LARP1: variants seen among roughly 807,000 people sequenced by gnomAD.
LARP1 encodes the protein la-related protein 1.
Under a neutral mutation model 122.7 loss-of-function variants are expected in LARP1, and 36 were observed. The observed-to-expected ratio is 0.29, with a 90% CI of 0.22 to 0.39. LARP1 has a LOEUF of 0.39. LARP1 is among the 10% of genes least tolerant of loss of function. The pLI is 1.00. For synonymous variants in LARP1, 539 were observed against 528.7 expected (o/e 1.02, Z -0.27); for missense variants, 1,040 against 1,403.6 (o/e 0.74, Z 4.14).
chr5:154,720,815 A>G (rs780045579), intron 1 of LARP1, among the ~76,000 whole-genome samples: 1 of 152,190 alleles, frequency 6.6e-6, no homozygotes, highest in Non-Finnish European at 1.5e-5. Flanking sequence ...TGGGAGGTTC[A>G]TGCAGGAGTC....
intron 18 of LARP1, 135 bp from the exon 19 acceptor site, chr5:154,813,752 T>C (rs985462901): frequency 1.1e-4 from 86 of 748,516 alleles, no homozygotes; most frequent in South Asian, 6.9e-5. Context: ...TAATAACTTA[T>C]AATTTATTTT....
At chr5:154,792,499 C>A in intron 3 of LARP1, 123 bp from the exon 4 acceptor site, 1 of 841,542 alleles carries the variant, frequency 1.2e-6, no homozygotes, top group Non-Finnish European at 1.9e-6. Context: ...TAGAATACAT[C>A]CCATCCAGCC....
At chr5:154,756,485 C>T (rs2113550359) in intron 1 of LARP1, 1 of 985,820 alleles carries the variant, frequency 1.0e-6, no homozygotes, top group Non-Finnish European at 1.2e-6. Context: ...AGAGGGTGGG[C>T]GCTGGTTTCA....
chr5:154,719,411 C>T (rs924463508), intron 1 of LARP1, among the ~76,000 whole-genome samples: 8 of 152,146 alleles, frequency 5.3e-5, no homozygotes, highest in African/African-American at 1.9e-4. Flanking sequence ...ATCTGCGAAA[C>T]CTATGGGCTC....
intron 18 of LARP1, among the ~76,000 whole-genome samples, chr5:154,812,052 C>T (rs1031601744): frequency 5.9e-5 from 9 of 152,156 alleles, no homozygotes; most frequent in Non-Finnish European, 1.2e-4. Flanking sequence ...AGCGCCTCAA[C>T]GGTGACATCC....
At chr5:154,701,683 G>A (rs1436087454) in intron 1 of LARP1, among the ~76,000 whole-genome samples, 2 of 149,978 alleles carry the variant, frequency 1.3e-5, no homozygotes, top group African/African-American at 4.9e-5. Flanking sequence ...GTGCAGTGGT[G>A]TGATCTCAGC....
chr5:154,790,442 C>T (rs1582419334), intron 2 of LARP1, 56 bp downstream of exon 2: 1 of 1,533,692 alleles, frequency 6.5e-7, no homozygotes, highest in East Asian at 2.3e-5. Flanking sequence ...TGGCCTCTTT[C>T]CTGTTTTAGT....
At chr5:154,729,417 C>A in intron 1 of LARP1, 1 of 356,964 alleles carries the variant, frequency 2.8e-6, no homozygotes, top group Non-Finnish European at 5.4e-6. Context: ...GAAGAGTCTA[C>A]AGTGTTACCT....
At chr5:154,737,668 C>T (rs1228807145) in intron 1 of LARP1, among the ~76,000 whole-genome samples, 4 of 152,006 alleles carry the variant, frequency 2.6e-5, no homozygotes, top group Non-Finnish European at 5.9e-5. Context: ...GTCTCGAACT[C>T]CTAATTTGAA....
chr5:154,691,801 CT>C (rs55818234), intron 1 of LARP1, among the ~76,000 whole-genome samples: 27,469 of 56,898 alleles, frequency 0.48, 4,893 homozygotes, highest in African/African-American at 0.6. Context: ...CCTTTTCGTT[CT>C]TTTTTTTTTT....
At chr5:154,749,647 G>A (rs2113504554) in intron 1 of LARP1, among the ~76,000 whole-genome samples, 1 of 152,262 alleles carries the variant, frequency 6.6e-6, no homozygotes, top group East Asian at 1.9e-4. Flanking sequence ...TCAGGGTCTT[G>A]AAAAACACTC....
chr5:154,808,404 G>A lies in LARP1; in HGVS notation c.2699-55G>A. The A allele has an allele frequency of 2.5e-6, 4 of 1,579,528 alleles. No homozygotes were observed. In the South Asian group the frequency reaches 3.5e-5, roughly 14 times the overall value. ...TTAAGTTCCAGGATCCTTTCTCCCT[G>A]AAGCAAGGGCAGCCTGAACCTGAGA... On this transcript the variant is annotated intron_variant, in intron 15 of 18. Coordinates refer to ENST00000518297, the MANE Select transcript of LARP1 (RefSeq NM_033551.3).
intron 1 of LARP1, among the ~76,000 whole-genome samples, chr5:154,736,784 T>C (rs1756929098): frequency 6.6e-6 from 1 of 151,692 alleles, no homozygotes; most frequent in African/African-American, 2.4e-5. Flanking sequence ...CAGGCTGGTT[T>C]CAAACTCCTG....
At chr5:154,697,202 C>CTTTTTTTTTTTTTTTTTTT (rs11399407) in intron 1 of LARP1, among the ~76,000 whole-genome samples, 1 of 141,568 alleles carries the variant, frequency 7.1e-6, no homozygotes, top group Non-Finnish European at 1.5e-5. Flanking sequence ...AGCTTTTTAT[C>CTTTTTTTTTTTTTTTTTTT]TTTTTTTTTT....
chr5:154,729,456 A>G, intron 1 of LARP1: 1 of 388,300 alleles, frequency 2.6e-6, no homozygotes, highest in Admixed American at 3.0e-5. Context: ...TTGTAAACAA[A>G]CAAGAGCAAG....
intron 1 of LARP1, among the ~76,000 whole-genome samples, chr5:154,727,186 T>C (rs142885291): frequency 1.9e-3 from 289 of 152,118 alleles, no homozygotes; most frequent in Admixed American, 4.7e-3. Context: ...AGAGACACAA[T>C]GCAAAGAGAA....
At chr5:154,720,545 T>C (rs916966864) in intron 1 of LARP1, among the ~76,000 whole-genome samples, 1 of 151,948 alleles carries the variant, frequency 6.6e-6, no homozygotes, top group Admixed American at 6.6e-5. Context: ...GGAAACTCTA[T>C]CTCTAAAAAT....
chr5:154,794,377 T>C, intron 7 of LARP1, 115 bp downstream of exon 7: 2 of 966,584 alleles, frequency 2.1e-6, no homozygotes, highest in Non-Finnish European at 3.1e-6. Context: ...AGCCTCAGGC[T>C]GAAAAGATAG....
Position 154,805,957 on chromosome 5 carries a change from C to A in LARP1, c.2623C>A (p.Pro875Thr). ...TCAGTCATTGCCCAAGTTCCAGCAT[C>A]CTTCCCATGAACTGCTCAAGGAAAA... The part of the protein sequence containing the change: ...TPQSLPKFQH[P>T]SHELLKENGF... The change falls in exon 15 of 19, where the codon CCT becomes ACT. Residue 875 changes from proline to threonine, a missense_variant. Around this residue, in one of 8 missense-constraint regions of LARP1, gnomAD observed 59 missense variants for 137.2 expected, o/e 0.43. Transcript: ENST00000518297. 2 of 1,614,196 alleles carry A rather than the reference C, an allele frequency of 1.2e-6. No homozygotes were observed. Among genetic ancestry groups the A allele is most frequent in the African/African-American group, 2.7e-5 (2 of 75,044 alleles).
Sources: gnomAD v4.1 joint callset for allele counts (sites outside exome capture counted in the v4.1 genomes callset) on GRCh38, gnomAD v4.1.1 for gene constraint, gnomAD v4.1.1 regional missense constraint, MANE v1.5 for transcripts, NCBI Gene and HGNC (gene_info 2026-07-23, HGNC 2026-07-21) for gene names.